Variants in FNDC1 observed in about 807,000 individuals in gnomAD.
FNDC1 encodes the protein fibronectin type III domain-containing protein 1.
In FNDC1, 96 loss-of-function variants were observed where a neutral mutation model predicts 168.0. That is an observed-to-expected ratio of 0.57 (90% CI 0.48 to 0.68). The LOEUF is 0.68. Ranked by LOEUF, FNDC1 falls within the 30% of genes least tolerant of loss-of-function variation. The pLI is 0.00. For synonymous variants in FNDC1, 1,099 were observed against 1,025.9 expected (o/e 1.07, Z -1.36); for missense variants, 2,587 against 2,482.1 (o/e 1.04, Z -0.90).
At chr6:159,173,844 C>A (rs1781709814) in intron 1 of FNDC1, among the ~76,000 whole-genome samples, 1 of 152,092 alleles carries the variant, frequency 6.6e-6, no homozygotes, top group African/African-American at 2.4e-5. Flanking sequence ...CTCTTTTTAC[C>A]TTCTAGAGGT....
At chr6:159,219,882 T>TTTTG (rs757365038) in intron 5 of FNDC1, among the ~76,000 whole-genome samples, 10 of 152,080 alleles carry the variant, frequency 6.6e-5, no homozygotes, top group Non-Finnish European at 1.0e-4. Flanking sequence ...GAATGGCCAT[T>TTTTG]TTTGTTTGTT....
chr6:159,268,852 CTAT>C, intron 22 of FNDC1, among the ~76,000 whole-genome samples: 1 of 78,340 alleles, frequency 1.3e-5, no homozygotes, highest in Middle Eastern at 0.01. Context: ...ATCTATCTAT[CTAT>C]CTATCTATCC....
chr6:159,246,940 C>A lies in FNDC1; in HGVS notation c.4661C>A (p.Thr1554Lys). 2.5e-6 allele frequency: 4 copies of A among 1,612,640 alleles called. No individual in the cohort carries two copies. Among genetic ancestry groups the A allele is most frequent in the Admixed American group, 1.7e-5 (1 of 60,018 alleles). The change falls in exon 15 of 23, where the codon ACG becomes AAG. Residue 1554 changes from threonine to lysine, a missense_variant. Thr to Lys is a moderately conservative substitution (Grantham distance 78, BLOSUM62 -1). Transcript: ENST00000297267. ...SGLETDTAVP[T>K]EEAYVIYDED... is the part of the protein sequence containing the mutation. The stretch of plus-strand genomic sequence containing the variant: ...TTGGAGACTGACACTGCAGTACCTA[C>A]GGAAGAGGCCTACGTTATATATGAT...
At chr6:159,191,713 C>G (rs78462716) in intron 1 of FNDC1, among the ~76,000 whole-genome samples, 4,631 of 152,270 alleles carry the variant, frequency 0.03, 266 homozygotes, top group African/African-American at 0.11. Context: ...CATTTATTCA[C>G]CTGATATTTA....
In FNDC1 at chr6:159,226,482, C is replaced by T. The variant is rs1253424819; in HGVS notation, c.1082C>T (p.Thr361Ile). The change falls in exon 9 of 23, where the codon ACA becomes ATA. Residue 361 changes from threonine (T) to isoleucine (I), a missense_variant. Thr to Ile is a moderately conservative substitution (Grantham distance 89). Coordinates refer to ENST00000297267, the MANE Select transcript of FNDC1 (RefSeq NM_032532.3). ...CCTTGTCATTTTGTAGCCCCTACCA[C>T]AGCTCCTGAAAACTTGAACGTCTGG... ...FQRTPESAPT[T>I]APENLNVWPV... 1.9e-6 allele frequency: 3 copies of T among 1,611,604 alleles called. No individual in the cohort carries two copies. Among genetic ancestry groups the T allele is most frequent in the Non-Finnish European group, 2.5e-6 (3 of 1,178,888 alleles).
Position 159,186,283 on chromosome 6 carries a change from T to C in FNDC1, c.110-11148T>C, listed in dbSNP as rs73799327. On this transcript the variant is annotated intron_variant, in intron 1 of 22. Coordinates refer to ENST00000297267, the MANE Select transcript of FNDC1 (RefSeq NM_032532.3). ...ATGAAAGATAAACTATATTAATGAA[T>C]ATTCTTTCTCTTTGCTCCAATTTCC... Among the ~76,000 whole-genome samples the C allele has an allele frequency of 6.9e-3, 1,048 of 152,330 alleles. 9 individuals carry two copies. Among genetic ancestry groups the C allele is most frequent in the African/African-American group, 0.024 (1,017 of 41,568 alleles).
intron 1 of FNDC1, among the ~76,000 whole-genome samples, chr6:159,183,849 C>T (rs750827691): frequency 1.3e-5 from 2 of 152,186 alleles, no homozygotes; most frequent in Non-Finnish European, 2.9e-5. Context: ...TGAAATCTTG[C>T]GTTCACAAGA....
rs1247594836 is a variant in FNDC1 at position 159,264,999 on chromosome 6, C to T, written c.5279C>T (p.Pro1760Leu). ...ESDNPLLVVRPPGGEPIWIPF... is the reference protein window; with the variant it reads ...ESDNPLLVVRLPGGEPIWIPF... Reference sequence around the variant, plus strand: ...GATAATCCTCTGCTTGTTGTGAGGCCCCCAGGTAAGTTTATGTTCTTGATA... The same window carrying T: ...GATAATCCTCTGCTTGTTGTGAGGCTCCCAGGTAAGTTTATGTTCTTGATA... The change falls in exon 20 of 23, where the codon CCC (proline) becomes CTC (leucine). Residue 1760 changes from proline (P) to leucine (L), a missense_variant. Transcript: ENST00000297267. 3 of 1,605,878 alleles carry T rather than the reference C, an allele frequency of 1.9e-6. No individual in the cohort carries two copies. In the Admixed American group the frequency reaches 5.1e-5, roughly 27 times the overall value.
intron 6 of FNDC1, 126 bp downstream of exon 6, chr6:159,221,822 A>G (rs1002168956): frequency 6.3e-6 from 5 of 787,500 alleles, no homozygotes; most frequent in African/African-American, 5.1e-5. Flanking sequence ...TAACAGGGCA[A>G]ATGTGGTCAC....
chr6:159,233,128 C>T lies in FNDC1; in HGVS notation c.2616C>T (p.Ser872=). The change falls in exon 11 of 23, where the codon AGC becomes AGT. Residue 872 remains serine, a synonymous_variant. Coordinates refer to ENST00000297267, the MANE Select transcript of FNDC1 (RefSeq NM_032532.3). This position sits in a 1 kb window ranked among gnomAD's most constrained non-coding sequence, Gnocchi z 4.6. ...PSHSDSHPKL[S]SGIHGDEEDE... is the part of the protein sequence containing the mutation. ...ACTCTGATTCCCACCCTAAGCTTAG[C>T]TCAGGTATCCATGGAGACGAGGAGG... 6.2e-7 allele frequency: 1 copy of T among 1,604,586 alleles called. No individual in the cohort carries two copies.
chr6:159,217,955 C>T (rs1255962404), intron 5 of FNDC1, among the ~76,000 whole-genome samples: 1 of 152,150 alleles, frequency 6.6e-6, no homozygotes, highest in African/African-American at 2.4e-5. Context: ...TTCAGTCATT[C>T]CTTCCTGAGC....
Position 159,227,987 on chromosome 6 carries a change from T to C in FNDC1, c.1180+1407T>C, listed in dbSNP as rs1385706218. Reference sequence around the variant, plus strand: ...AATTTGAACTTTAACTCCCTCTGTATTAAGTATTGTTGTGCTGCCGAGAAG... The same window carrying C: ...AATTTGAACTTTAACTCCCTCTGTACTAAGTATTGTTGTGCTGCCGAGAAG... On this transcript the variant is annotated intron_variant, in intron 9 of 22. Coordinates refer to ENST00000297267, the MANE Select transcript of FNDC1 (RefSeq NM_032532.3). Among the ~76,000 whole-genome samples the C allele has an allele frequency of 2.6e-5, 4 of 152,230 alleles. No homozygotes were observed. The East Asian group carries it at 7.7e-4, about 29-fold the overall frequency.
chr6:159,257,413 G>A (rs1400581753), intron 18 of FNDC1, among the ~76,000 whole-genome samples: 19 of 152,248 alleles, frequency 1.2e-4, no homozygotes, highest in Admixed American at 9.8e-4. Flanking sequence ...AGCCACCATG[G>A]GCTTGCAGAC....
intron 17 of FNDC1, among the ~76,000 whole-genome samples, chr6:159,253,115 A>G (rs951787628): frequency 6.6e-6 from 1 of 152,176 alleles, no homozygotes; most frequent in Non-Finnish European, 1.5e-5. Context: ...CCCACCCTGC[A>G]CCTCATCTGA....
At chr6:159,201,963 A>G (rs1782390416) in intron 4 of FNDC1, among the ~76,000 whole-genome samples, 1 of 152,240 alleles carries the variant, frequency 6.6e-6, no homozygotes, top group Non-Finnish European at 1.5e-5. Context: ...GTGTGCACAC[A>G]TGTGTATGAC....
intron 1 of FNDC1, among the ~76,000 whole-genome samples, chr6:159,188,376 T>C (rs1313618100): frequency 5.7e-5 from 3 of 52,186 alleles, no homozygotes; most frequent in Admixed American, 1.5e-4. Flanking sequence ...TTTCTTTTTT[T>C]TTTTTTTTTT....
chr6:159,269,058 GTCTATCTATCTATCTA>G (rs201260395), intron 22 of FNDC1, among the ~76,000 whole-genome samples: 31 of 136,942 alleles, frequency 2.3e-4, no homozygotes, highest in African/African-American at 5.0e-4. Flanking sequence ...CTATCTATCT[GTCTATCTATCTATCTA>G]TCTATCTATC....
rs767205263 is a variant in FNDC1, at chr6:159,233,220, C to A, written c.2708C>A (p.Ser903Tyr). The A allele has an allele frequency of 6.2e-7, 1 of 1,613,696 alleles. No homozygotes were observed. The highest frequency in any genetic ancestry group is 8.5e-7 in the Non-Finnish European group (1 of 1,179,772). Reference sequence around the variant, plus strand: ...CCTTCCTCCTCCAGGCAGCCCATCTCCCGGGGCTGGGAGGACTTAAGGAGA... The same window carrying A: ...CCTTCCTCCTCCAGGCAGCCCATCTACCGGGGCTGGGAGGACTTAAGGAGA... ...HVPSSSRQPISRGWEDLRRSP... is the reference protein window; with the variant it reads ...HVPSSSRQPIYRGWEDLRRSP... Residue 903 changes from serine (S) to tyrosine (Y), a missense_variant, in exon 11 of 23, where the codon TCC (serine) becomes TAC (tyrosine). Transcript: ENST00000297267. This position sits in a 1 kb window ranked among gnomAD's most constrained non-coding sequence, Gnocchi z 4.6.
chr6:159,248,612 A>ATTTTTAAGAAAAAACTTTTTTTAAAAAGT (rs1777188580), intron 15 of FNDC1, among the ~76,000 whole-genome samples: 1 of 152,002 alleles, frequency 6.6e-6, no homozygotes, highest in Non-Finnish European at 1.5e-5. Context: ...CCAAAAAAAA[A>ATTTTTAAGAAAAAACTTTTTTTAAAAAGT]TTTTTAAGAA....
Sources: allele counts gnomAD v4.1 joint callset (sites outside exome capture counted in the v4.1 genomes callset), GRCh38; gene constraint gnomAD v4.1.1; non-coding constraint Gnocchi (gnomAD v3.1); transcripts MANE v1.5; gene names NCBI Gene and HGNC (gene_info 2026-07-23, HGNC 2026-07-21).